PTGER3: variants seen among roughly 807,000 people sequenced by gnomAD.
PTGER3 encodes prostaglandin E receptor 3.
In PTGER3, 22 loss-of-function variants were observed where a neutral mutation model predicts 34.7. The ratio of observed to expected loss-of-function variants is 0.63; its 90% CI spans 0.45 to 0.91. The LOEUF (loss-of-function observed/expected upper bound fraction) is 0.91. Among genes scored for constraint, PTGER3 ranks in the 40% least tolerant of loss-of-function variants. PTGER3 has a pLI of 0.00. For synonymous variants in PTGER3, 241 were observed against 230.1 expected, an observed-to-expected ratio of 1.05 and a Z score of -0.43; for missense variants, 468 against 519.4, an observed-to-expected ratio of 0.90 and a Z score of 0.96.
intron 4 of PTGER3, among the ~76,000 whole-genome samples, chr1:70,861,715 A>G (rs1645931831): frequency 6.6e-6 from 1 of 152,180 alleles, no homozygotes; most frequent in African/African-American, 2.4e-5. Context: ...AAAAAAAACA[A>G]AAACTTCTCT....
intron 2 of PTGER3, chr1:71,011,940 T>C (rs1348325576): frequency 4.0e-6 from 5 of 1,241,318 alleles, no homozygotes; most frequent in Non-Finnish European, 5.1e-6. Context: ...AGATCATTTA[T>C]AAAAAATGTT....
At chr1:70,971,830 A>T in intron 3 of PTGER3, 97 bp from the exon 4 acceptor site, 1 of 811,696 alleles carries the variant, frequency 1.2e-6, no homozygotes, top group Non-Finnish European at 1.9e-6. Flanking sequence ...TAAGTAATAA[A>T]TTTGTTTGCT....
intron 4 of PTGER3, among the ~76,000 whole-genome samples, chr1:70,902,968 A>C (rs11209711): frequency 6.6e-6 from 1 of 151,888 alleles, no homozygotes; most frequent in Admixed American, 6.6e-5. Flanking sequence ...ATTTGGAAAA[A>C]GAAACTTTGC....
chr1:71,019,174 G>A (rs1168398722), intron 1 of PTGER3, among the ~76,000 whole-genome samples: 1 of 152,170 alleles, frequency 6.6e-6, no homozygotes, highest in Non-Finnish European at 1.5e-5. Flanking sequence ...CATGAATATG[G>A]TAGAATTAAT....
intron 2 of PTGER3, among the ~76,000 whole-genome samples, chr1:70,997,560 T>C (rs574600757): frequency 1.4e-4 from 21 of 152,326 alleles, no homozygotes; most frequent in Non-Finnish European, 2.6e-4. Context: ...GACCACCAGA[T>C]ATTCTGATTT....
chr1:70,869,552 A>G (rs538516429), intron 4 of PTGER3, among the ~76,000 whole-genome samples: 6 of 152,294 alleles, frequency 3.9e-5, no homozygotes, highest in African/African-American at 9.6e-5. Flanking sequence ...CCTTCCACCT[A>G]TAAGCCTGTA....
At chr1:70,948,442 G>A (rs1425891975), downstream of PTGER3, among the ~76,000 whole-genome samples, 1 of 152,088 alleles carries the variant, frequency 6.6e-6, no homozygotes, top group Non-Finnish European at 1.5e-5. Context: ...CCCCAGCTCT[G>A]TGGAACTGTG....
At chr1:71,031,665 G>A (rs774202394) in intron 1 of PTGER3, among the ~76,000 whole-genome samples, 1 of 152,184 alleles carries the variant, frequency 6.6e-6, no homozygotes, top group Non-Finnish European at 1.5e-5. Flanking sequence ...TGTGCAGCCT[G>A]AAGTTCATCA....
chr1:70,934,126 A>T (rs2100511832), intron 4 of PTGER3, among the ~76,000 whole-genome samples: 1 of 152,312 alleles, frequency 6.6e-6, no homozygotes, highest in Non-Finnish European at 1.5e-5. Context: ...ATTCTTATTT[A>T]ATTATCTTGA....
intron 2 of PTGER3, among the ~76,000 whole-genome samples, chr1:70,959,476 T>C (rs1375796975): frequency 1.3e-5 from 2 of 152,002 alleles, no homozygotes; most frequent in African/African-American, 4.8e-5. Flanking sequence ...TTCTCCTGCC[T>C]CAGCTTTCCG....
chr1:70,985,951 G>A (rs1357095976), intron 2 of PTGER3, among the ~76,000 whole-genome samples: 1 of 152,136 alleles, frequency 6.6e-6, no homozygotes, highest in Non-Finnish European at 1.5e-5. Context: ...AGATGGTTAG[G>A]CATTCTAAGT....
intron 2 of PTGER3, among the ~76,000 whole-genome samples, chr1:70,963,556 C>G (rs1281843533): frequency 6.6e-6 from 1 of 152,198 alleles, no homozygotes; most frequent in Non-Finnish European, 1.5e-5. Context: ...TGGAAGCTGC[C>G]AAGGCCCAGG....
intron 2 of PTGER3, among the ~76,000 whole-genome samples, chr1:70,961,226 A>G (rs546150797): frequency 1.3e-5 from 2 of 152,330 alleles, no homozygotes; most frequent in South Asian, 4.1e-4. Flanking sequence ...AAAATTTTCT[A>G]TTTCAACAAT....
intron 4 of PTGER3, among the ~76,000 whole-genome samples, chr1:70,915,695 C>G (rs1011537615): frequency 6.6e-6 from 1 of 151,892 alleles, no homozygotes; most frequent in Non-Finnish European, 1.5e-5. Flanking sequence ...ATCTCAAAAC[C>G]ATTTTCTGAA....
intron 1 of PTGER3, among the ~76,000 whole-genome samples, chr1:71,025,758 A>G (rs1658874227): frequency 6.6e-6 from 1 of 152,198 alleles, no homozygotes; most frequent in African/African-American, 2.4e-5. Flanking sequence ...GAGGAGAGAA[A>G]GTCACCAGAA....
At chr1:70,882,566 T>C (rs1646412826) in intron 4 of PTGER3, among the ~76,000 whole-genome samples, 1 of 152,238 alleles carries the variant, frequency 6.6e-6, no homozygotes, top group Non-Finnish European at 1.5e-5. Flanking sequence ...GTGACAGTGC[T>C]GGTCTGCTTT....
At chr1:70,906,564 T>C (rs1275416287) in intron 4 of PTGER3, among the ~76,000 whole-genome samples, 1 of 152,190 alleles carries the variant, frequency 6.6e-6, no homozygotes, top group East Asian at 1.9e-4. Context: ...AGGCATAAAT[T>C]CCATATAGTA....
rs71586957 is a variant in PTGER3, at chr1:70,981,392, T to TTTCC, written c.1078-7008_1078-7005dup. Among the ~76,000 whole-genome samples the TTTCC allele has an allele frequency of 2.1e-3, 83 of 40,434 alleles. 4 individuals are homozygous for TTTCC. The highest frequency in any genetic ancestry group is 0.01 in the Middle Eastern group (1 of 98). 26.5% of individuals were successfully genotyped at this position (40,434 alleles called of 152,430 possible). A position where few individuals can be genotyped will look rare whatever the true frequency, so the allele number is the denominator to read the frequency against. On this transcript the variant is annotated intron_variant, in intron 2 of 3. Coordinates refer to ENST00000306666, the MANE Select transcript of PTGER3 (RefSeq NM_198719.2). ...CTTTCTTTCTTTCTTTCTTTCTTTC[T>TTTCC]TTCCTTCCTTCCTTCCTTCCTTCCT...
At chr1:70,965,180 C>T (rs1250658994) in intron 2 of PTGER3, among the ~76,000 whole-genome samples, 1 of 152,068 alleles carries the variant, frequency 6.6e-6, no homozygotes, top group Non-Finnish European at 1.5e-5. Context: ...CAGAGCCTTG[C>T]AGGAACTAGG....
Sources: allele counts gnomAD v4.1 joint callset (sites outside exome capture counted in the v4.1 genomes callset), GRCh38; gene constraint gnomAD v4.1.1; transcripts MANE v1.5; gene names NCBI Gene and HGNC (gene_info 2026-07-23, HGNC 2026-07-21).